TNIP1: variants seen among roughly 807,000 people sequenced by gnomAD.
TNIP1 encodes TNFAIP3-interacting protein 1.
In TNIP1, 22 loss-of-function variants were observed where a neutral mutation model predicts 86.6. That is an observed-to-expected ratio of 0.25 (90% CI 0.18 to 0.36). TNIP1 has a LOEUF of 0.36. Ranked by LOEUF, TNIP1 falls within the 10% of genes least tolerant of loss-of-function variation. The pLI is 1.00. For missense variants in TNIP1, 709 were observed against 820.6 expected, an observed-to-expected ratio of 0.86 and a Z score of 1.66; for synonymous variants, 294 against 313.0, an observed-to-expected ratio of 0.94 and a Z score of 0.64.
chr5:151,035,585 G>C lies in TNIP1; in HGVS notation c.1518C>G (p.Ala506=). 1 of 1,614,132 alleles carries C rather than the reference G, an allele frequency of 6.2e-7. No homozygotes were observed. The highest frequency in any genetic ancestry group is 8.5e-7 in the Non-Finnish European group (1 of 1,180,010). The stretch of plus-strand genomic sequence containing the variant: ...TCCTGGGTCCAGTCACTCTTACCTG[G>C]GCATTTGACAGGGTGACCTGGGCCT... The part of the protein sequence containing the change: ...KLQAQVTLSN[A]QLKAFKDEEK... The change falls in exon 14 of 18, where the codon GCC becomes GCG. Residue 506 remains alanine, a synonymous_variant. Transcript: ENST00000521591.
intron 8 of TNIP1, among the ~76,000 whole-genome samples, chr5:151,049,431 C>A (rs748204160): frequency 3.7e-4 from 57 of 152,162 alleles, no homozygotes; most frequent in Non-Finnish European, 6.6e-4. Flanking sequence ...GCTTGCTCAA[C>A]CAACCTAATT....
At chr5:151,058,709 G>A (rs896543458) in intron 5 of TNIP1, among the ~76,000 whole-genome samples, 2 of 152,188 alleles carry the variant, frequency 1.3e-5, no homozygotes, top group African/African-American at 4.8e-5. Context: ...AACAGTTATG[G>A]GAATCACAGG....
In TNIP1 at chr5:151,049,051, C is replaced by T. The variant is rs117284900; in HGVS notation, c.846+773G>A. Among the ~76,000 whole-genome samples the T allele has an allele frequency of 1.5e-3, 222 of 152,304 alleles. 5 individuals carry two copies. The East Asian group carries it at 0.02, about 14-fold the overall frequency. On this transcript the variant is annotated intron_variant, in intron 8 of 17. Coordinates refer to ENST00000521591, the MANE Select transcript of TNIP1 (RefSeq NM_006058.5). ...TAGATTTGCATGTCCTGGGTAAACT[C>T]TACATTGTCACACAGTAATAAGGAA...
upstream of TNIP1, among the ~76,000 whole-genome samples, chr5:151,082,468 C>G (rs1430293626): frequency 6.6e-6 from 1 of 152,162 alleles, no homozygotes; most frequent in Non-Finnish European, 1.5e-5. Flanking sequence ...CCCATCAGGT[C>G]CGCACCTGCC....
chr5:151,076,815 G>A (rs557787305), intron 1 of TNIP1, among the ~76,000 whole-genome samples: 4 of 152,298 alleles, frequency 2.6e-5, no homozygotes, highest in African/African-American at 9.6e-5. Context: ...CCCAGGGGTC[G>A]GGGTCACGCA....
upstream of TNIP1, among the ~76,000 whole-genome samples, chr5:151,083,023 C>T (rs1439383159): frequency 6.6e-6 from 1 of 152,166 alleles, no homozygotes; most frequent in Non-Finnish European, 1.5e-5. Flanking sequence ...GCCTTGGAAT[C>T]CAGGGCCTTG....
At chr5:151,078,187 A>G (rs181565826) in intron 1 of TNIP1, among the ~76,000 whole-genome samples, 1 of 152,268 alleles carries the variant, frequency 6.6e-6, no homozygotes, top group Admixed American at 6.5e-5. Flanking sequence ...CTCCTTACGC[A>G]CCTGTGCATC....
intron 3 of TNIP1, among the ~76,000 whole-genome samples, chr5:151,063,240 C>CCCTGCCAG (rs1761808816): frequency 6.6e-6 from 1 of 152,182 alleles, no homozygotes; most frequent in Non-Finnish European, 1.5e-5. Context: ...TATGCCAGCT[C>CCCTGCCAG]CAAGTGACAG....
intron 5 of TNIP1, among the ~76,000 whole-genome samples, chr5:151,058,205 G>A (rs1355841232): frequency 6.6e-6 from 1 of 152,230 alleles, no homozygotes; most frequent in Non-Finnish European, 1.5e-5. Context: ...ACAGGCGTAA[G>A]CCACCATGCC....
intron 3 of TNIP1, among the ~76,000 whole-genome samples, chr5:151,062,620 A>G (rs1761724928): frequency 6.6e-6 from 1 of 152,342 alleles, no homozygotes; most frequent in South Asian, 2.1e-4. Flanking sequence ...ACTTGCCCAC[A>G]GCCACATAGC....
At chr5:151,043,205 G>A (rs531100424) in intron 9 of TNIP1, among the ~76,000 whole-genome samples, 7 of 152,284 alleles carry the variant, frequency 4.6e-5, no homozygotes, top group African/African-American at 1.7e-4. Flanking sequence ...AAACTACATA[G>A]TTTTGGTGAA....
upstream of TNIP1, among the ~76,000 whole-genome samples, chr5:151,084,034 G>A (rs771398396): frequency 4.8e-4 from 73 of 152,318 alleles, no homozygotes; most frequent in African/African-American, 1.2e-3. Flanking sequence ...GCAAGTAACC[G>A]GAGCTTGAAG....
At chr5:151,070,433 G>A (rs1436904493) in intron 1 of TNIP1, among the ~76,000 whole-genome samples, 3 of 152,066 alleles carry the variant, frequency 2.0e-5, no homozygotes, top group African/African-American at 4.8e-5. Flanking sequence ...GGGATTTTAG[G>A]CTCTTCCGTC....
intron 11 of TNIP1, among the ~76,000 whole-genome samples, chr5:151,041,337 CTG>C (rs1487403804): frequency 3.9e-5 from 6 of 152,160 alleles, no homozygotes; most frequent in Non-Finnish European, 4.4e-5. Context: ...TCCCAAAATG[CTG>C]TGTTTACAGG....
rs190388975 is a variant in TNIP1 at position 151,031,231 on chromosome 5, C to G, written c.1877-484G>C. Among the ~76,000 whole-genome samples, 232 of 152,306 alleles carry G rather than the reference C, an allele frequency of 1.5e-3. 2 individuals are homozygous for G. Among genetic ancestry groups the G allele is most frequent in the African/African-American group, 5.2e-3 (217 of 41,558 alleles). ...CAAACTGCAACCCCTCCAAGGTGTC[C>G]GTCCCATGGCCTCTACTCACACACC... On this transcript the variant is annotated intron_variant, in intron 17 of 17. Transcript: ENST00000521591.
intron 1 of TNIP1, among the ~76,000 whole-genome samples, chr5:151,077,312 A>G (rs936520224): frequency 1.3e-5 from 2 of 152,196 alleles, no homozygotes; most frequent in Non-Finnish European, 2.9e-5. Context: ...CAAGATATGA[A>G]CTTTTGGGGG....
chr5:151,062,191 G>A lies in TNIP1; in HGVS notation c.293C>T (p.Ala98Val). The stretch of plus-strand genomic sequence containing the variant: ...GGGGCATGCAGGGGCTGTGGGAGAT[G>A]CTGTGACATTTGAGTCCTTTCCTGG... ...ELTGKDSNVT[A>V]SPTAPACPSD... is the part of the protein sequence containing the mutation. Residue 98 changes from alanine to valine, a missense_variant, in exon 4 of 18, where the codon GCA becomes GTA. Coordinates refer to ENST00000521591, the MANE Select transcript of TNIP1 (RefSeq NM_006058.5). 2.5e-6 allele frequency: 4 copies of A among 1,614,118 alleles called. No individual in the cohort carries two copies. Among genetic ancestry groups the A allele is most frequent in the Non-Finnish European group, 3.4e-6 (4 of 1,180,000 alleles).
chr5:151,035,757 G>C, intron 13 of TNIP1, 50 bp from the exon 14 acceptor site: 1 of 1,606,834 alleles, frequency 6.2e-7, no homozygotes, highest in Non-Finnish European at 8.5e-7. Flanking sequence ...CCTGAGTGGG[G>C]ATTTCTCCTC....
At chr5:151,059,934 C>A (rs1470746953) in intron 5 of TNIP1, among the ~76,000 whole-genome samples, 2 of 150,744 alleles carry the variant, frequency 1.3e-5, no homozygotes, top group Non-Finnish European at 3.0e-5. Flanking sequence ...CAAGAGTCTG[C>A]ACAAAGAGCA....
Sources: gnomAD v4.1 joint callset for allele counts (sites outside exome capture counted in the v4.1 genomes callset) on GRCh38, gnomAD v4.1.1 for gene constraint, MANE v1.5 for transcripts, NCBI Gene and HGNC (gene_info 2026-07-23, HGNC 2026-07-21) for gene names.